Variants in AMOTL1 observed in about 807,000 individuals in gnomAD.
The protein encoded by AMOTL1 is angiomotin-like protein 1.
In AMOTL1, 45 loss-of-function variants were observed where a neutral mutation model predicts 102.9. The observed-to-expected ratio is 0.44, with a 90% CI of 0.34 to 0.56. The LOEUF (loss-of-function observed/expected upper bound fraction) is 0.56, where lower values mean the gene tolerates loss of function less well. Ranked by LOEUF, AMOTL1 falls within the 20% of genes least tolerant of loss-of-function variation. AMOTL1 has a pLI of 0.01. For synonymous variants in AMOTL1, 481 were observed against 484.7 expected, an observed-to-expected ratio of 0.99 and a Z score of 0.10; for missense variants, 1,114 against 1,225.6, an observed-to-expected ratio of 0.91 and a Z score of 1.36.
intron 1 of AMOTL1, among the ~76,000 whole-genome samples, chr11:94,706,929 CCT>C (rs1949937921): frequency 6.6e-6 from 1 of 152,100 alleles, no homozygotes; most frequent in African/African-American, 2.4e-5. Flanking sequence ...GCCATCCATA[CCT>C]CCTTTGCCTT....
chr11:94,813,684 C>T (rs1380798578), intron 3 of AMOTL1, among the ~76,000 whole-genome samples: 2 of 152,254 alleles, frequency 1.3e-5, no homozygotes, highest in Non-Finnish European at 2.9e-5. Flanking sequence ...ACATGTCGTC[C>T]CATGTGTACA....
rs542097182 is a variant in AMOTL1, at chr11:94,741,675, A to T, written c.136+687A>T. Among the ~76,000 whole-genome samples, 27 of 150,868 alleles carry T rather than the reference A, an allele frequency of 1.8e-4. No homozygotes were observed. In the East Asian group the frequency reaches 5.3e-3, roughly 30 times the overall value. On this transcript the variant is annotated intron_variant, in intron 3 of 4. Coordinates refer to the AMOTL1 transcript ENST00000299004. Reference sequence around the variant, plus strand: ...AATGCGAATGGGCAGGATCTCTCTAACTCTTCCTGCCACCCATTCTCACTC... The same window carrying T: ...AATGCGAATGGGCAGGATCTCTCTATCTCTTCCTGCCACCCATTCTCACTC...
intron 3 of AMOTL1, among the ~76,000 whole-genome samples, chr11:94,743,826 T>C (rs1428227084): frequency 6.6e-6 from 1 of 151,970 alleles, no homozygotes. Flanking sequence ...GCCCAGCTAA[T>C]TTTTGGAAAT....
intron 7 of AMOTL1, among the ~76,000 whole-genome samples, chr11:94,850,695 G>GAAAAGGAGCAGAGGCC (rs971461013): frequency 2.0e-5 from 3 of 152,334 alleles, no homozygotes; most frequent in African/African-American, 7.2e-5. Flanking sequence ...TGAAGAAGAA[G>GAAAAGGAGCAGAGGCC]AAAAGGAGCA....
At chr11:94,857,566 A>G (rs941422871) in intron 8 of AMOTL1, among the ~76,000 whole-genome samples, 1 of 152,172 alleles carries the variant, frequency 6.6e-6, no homozygotes, top group Non-Finnish European at 1.5e-5. Flanking sequence ...GAAAGAGAAA[A>G]AAGATAAAAG....
chr11:94,853,327 A>G (rs1952586670), intron 7 of AMOTL1, among the ~76,000 whole-genome samples: 3 of 150,650 alleles, frequency 2.0e-5, no homozygotes, highest in Admixed American at 6.6e-5. Flanking sequence ...TTGCCCTGGT[A>G]TGTTTTGTTC....
chr11:94,839,027 T>C (rs1172424121), intron 6 of AMOTL1, among the ~76,000 whole-genome samples: 1 of 152,202 alleles, frequency 6.6e-6, no homozygotes, highest in Non-Finnish European at 1.5e-5. Context: ...GATCTGGATA[T>C]CAGATTTGGA....
intron 6 of AMOTL1, among the ~76,000 whole-genome samples, chr11:94,841,663 A>G (rs1274141111): frequency 2.0e-5 from 3 of 152,224 alleles, no homozygotes. Context: ...GTAGCAGTAC[A>G]TTTTTATTTC....
chr11:94,724,328 A>T lies in AMOTL1; in HGVS notation c.-50-4593A>T, dbSNP rs141105248. On this transcript the variant is annotated intron_variant, in intron 1 of 4. Coordinates refer to the AMOTL1 transcript ENST00000299004. ...GGGGCAGGAGTTCCGGGAACAGCTC[A>T]GCAGCACTGAGGATTGCTGGTGAAT... Among the ~76,000 whole-genome samples the T allele has an allele frequency of 7.5e-4, 114 of 152,296 alleles. 1 individual carries two copies. The highest frequency in any genetic ancestry group is 2.7e-3 in the African/African-American group (112 of 41,574).
At chr11:94,836,077 T>C (rs1377770706) in intron 6 of AMOTL1, among the ~76,000 whole-genome samples, 4 of 152,242 alleles carry the variant, frequency 2.6e-5, no homozygotes, top group Non-Finnish European at 5.9e-5. Context: ...CTAAAATCAT[T>C]TCCTAAAAGA....
rs78990003 is a variant in AMOTL1, at chr11:94,769,770, T to A, written c.49+1210T>A. Among the ~76,000 whole-genome samples the A allele has an allele frequency of 1.0e-2, 1,516 of 152,138 alleles. 11 individuals carry two copies. Among genetic ancestry groups the A allele is most frequent in the Non-Finnish European group, 0.017 (1,145 of 68,002 alleles). On this transcript the variant is annotated intron_variant, in intron 1 of 12. Transcript: ENST00000433060. Reference sequence around the variant, plus strand: ...CATTTTGTCCCCATGGTCCCTCAGCTCCCTTTCTCTGTGAGGCCTTGGTTT... The same window carrying A: ...CATTTTGTCCCCATGGTCCCTCAGCACCCTTTCTCTGTGAGGCCTTGGTTT...
At chr11:94,854,287 G>C (rs546391338) in intron 8 of AMOTL1, among the ~76,000 whole-genome samples, 16 of 152,354 alleles carry the variant, frequency 1.1e-4, no homozygotes, top group African/African-American at 3.8e-4. Flanking sequence ...CTCACAGAGA[G>C]AAAGTGGTCG....
intron 1 of AMOTL1, among the ~76,000 whole-genome samples, chr11:94,786,382 G>A (rs1951189398): frequency 6.6e-6 from 1 of 152,166 alleles, no homozygotes; most frequent in African/African-American, 2.4e-5. Flanking sequence ...CCGCAAGTGA[G>A]AAGAGAGGAC....
At chr11:94,801,094 C>A (rs992141628) in intron 3 of AMOTL1, among the ~76,000 whole-genome samples, 1 of 152,020 alleles carries the variant, frequency 6.6e-6, no homozygotes, top group Non-Finnish European at 1.5e-5. Flanking sequence ...AGAAATGGGC[C>A]GAGGATGCTA....
At position 94,830,197 on chromosome 11, in the gene AMOTL1, A is replaced by G. The variant is rs758242936; in HGVS notation, c.1558+3A>G. On this transcript the variant is annotated splice_donor_region_variant and intron_variant, in intron 5 of 12. Coordinates refer to ENST00000433060, the MANE Select transcript of AMOTL1 (RefSeq NM_130847.3). ...TGATTTCAACAGAGACCTCCGAGGC[A>G]GGTTTATTCATGTTCTCTCTATCTA... The G allele has an allele frequency of 2.5e-5, 40 of 1,595,272 alleles. No individual in the cohort carries two copies. The East Asian group carries it at 7.8e-4, about 31-fold the overall frequency.
rs544165917 is a variant in AMOTL1 at position 94,864,369 on chromosome 11, G to C, written c.2136-366G>C. Among the ~76,000 whole-genome samples the C allele has an allele frequency of 2.0e-5, 3 of 152,228 alleles. No homozygotes were observed. In the East Asian group the frequency reaches 5.8e-4, roughly 29 times the overall value. Reference sequence around the variant, plus strand: ...GCTACATACATAATGTAGTCAGAAGGGGGAGGGGACTTGATTTTTGAATTT... The same window carrying C: ...GCTACATACATAATGTAGTCAGAAGCGGGAGGGGACTTGATTTTTGAATTT... On this transcript the variant is annotated intron_variant, in intron 9 of 12. Transcript: ENST00000433060.
intron 1 of AMOTL1, among the ~76,000 whole-genome samples, chr11:94,712,876 G>T (rs1950040665): frequency 6.6e-6 from 1 of 151,868 alleles, no homozygotes; most frequent in African/African-American, 2.4e-5. Context: ...TTAATGGATT[G>T]TGCTTTTAGT....
chr11:94,849,164 C>T (rs770751532), intron 6 of AMOTL1, among the ~76,000 whole-genome samples: 6 of 152,080 alleles, frequency 3.9e-5, no homozygotes, highest in Non-Finnish European at 8.8e-5. Context: ...AACAAGGAGA[C>T]TTTTTTTCAT....
chr11:94,806,855 T>C (rs1317933999), intron 3 of AMOTL1, among the ~76,000 whole-genome samples: 1 of 152,074 alleles, frequency 6.6e-6, no homozygotes, highest in Non-Finnish European at 1.5e-5. Flanking sequence ...TGAACAGTTA[T>C]GAGATTTAAG....
Sources: allele counts gnomAD v4.1 joint callset (sites outside exome capture counted in the v4.1 genomes callset), GRCh38; gene constraint gnomAD v4.1.1; transcripts MANE v1.5; gene names NCBI Gene and HGNC (gene_info 2026-07-23, HGNC 2026-07-21).